Variants in NLGN1 observed in about 807,000 individuals in gnomAD.
NLGN1 encodes neuroligin 1, also known as neuroligin-1.
A neutral mutation model predicts 65.5 loss-of-function variants in NLGN1; 12 were observed. The observed-to-expected ratio is 0.18, with a 90% CI of 0.12 to 0.30. The LOEUF is 0.30. NLGN1 is among the 10% of genes least tolerant of loss of function. NLGN1 has a pLI of 1.00. For missense variants in NLGN1, 750 were observed against 1,007.1 expected, an observed-to-expected ratio of 0.74 and a Z score of 3.46; for synonymous variants, 350 against 359.5, an observed-to-expected ratio of 0.97 and a Z score of 0.30.
chr3:173,745,890 T>C (rs1289580189), intron 3 of NLGN1, among the ~76,000 whole-genome samples: 2 of 152,100 alleles, frequency 1.3e-5, no homozygotes, highest in Non-Finnish European at 2.9e-5. Flanking sequence ...AAACATTCAC[T>C]TCACAGATAG....
chr3:173,646,628 A>G (rs553298465), intron 3 of NLGN1, among the ~76,000 whole-genome samples: 23 of 152,224 alleles, frequency 1.5e-4, no homozygotes, highest in Non-Finnish European at 2.8e-4. Flanking sequence ...TACAATTATT[A>G]CATATCAATA....
chr3:174,141,415 C>A (rs536055673), intron 4 of NLGN1, among the ~76,000 whole-genome samples: 1 of 152,086 alleles, frequency 6.6e-6, no homozygotes, highest in Non-Finnish European at 1.5e-5. Flanking sequence ...AAAAATCGCA[C>A]ATGTCAATGA....
At chr3:173,945,983 G>T (rs1455253246) in intron 4 of NLGN1, among the ~76,000 whole-genome samples, 1 of 152,126 alleles carries the variant, frequency 6.6e-6, no homozygotes, top group African/African-American at 2.4e-5. Flanking sequence ...TATGATTTTT[G>T]CCTGGTGCCA....
intron 2 of NLGN1, among the ~76,000 whole-genome samples, chr3:173,485,773 G>A (rs536354508): frequency 7.2e-5 from 11 of 152,194 alleles, no homozygotes; most frequent in Admixed American, 2.6e-4. Flanking sequence ...ATAGAATCCC[G>A]TAATACTTTT....
Position 173,658,064 on chromosome 3 carries a change from G to A in NLGN1, c.493+52973G>A, listed in dbSNP as rs868609368. ...CATAGGTAATTAAAGAACTAAAAAT[G>A]GTGTAACTTTCGTATGGTAGTTAGA... On this transcript the variant is annotated intron_variant, in intron 3 of 6. Transcript: ENST00000457714. 1.1e-4 allele frequency among the ~76,000 whole-genome samples: 17 copies of A among 151,982 alleles called. 1 individual carries two copies. In the South Asian group the frequency reaches 3.5e-3, roughly 32 times the overall value.
intron 4 of NLGN1, among the ~76,000 whole-genome samples, chr3:173,900,401 G>A (rs896894953): frequency 2.0e-5 from 3 of 152,106 alleles, no homozygotes; most frequent in Non-Finnish European, 2.9e-5. Flanking sequence ...GCAAATTCAG[G>A]TAACTAACCA....
At chr3:174,225,575 C>CA (rs1265309074) in intron 4 of NLGN1, among the ~76,000 whole-genome samples, 2 of 152,138 alleles carry the variant, frequency 1.3e-5, no homozygotes, top group East Asian at 1.9e-4. Context: ...ACTAAAAATA[C>CA]AAAAAATTCT....
At chr3:173,698,741 C>G (rs370966576) in intron 3 of NLGN1, among the ~76,000 whole-genome samples, 2 of 152,054 alleles carry the variant, frequency 1.3e-5, no homozygotes, top group South Asian at 2.1e-4. Context: ...TTTCAAAAAG[C>G]CTTTATTTTG....
At chr3:174,124,606 T>C (rs1453532245) in intron 4 of NLGN1, among the ~76,000 whole-genome samples, 1 of 146,516 alleles carries the variant, frequency 6.8e-6, no homozygotes, top group Non-Finnish European at 1.5e-5. Flanking sequence ...TATACATATA[T>C]ACGTATATAT....
intron 4 of NLGN1, among the ~76,000 whole-genome samples, chr3:174,218,165 G>A (rs1430060996): frequency 6.6e-6 from 1 of 151,944 alleles, no homozygotes; most frequent in Non-Finnish European, 1.5e-5. Flanking sequence ...AAGTATTCAT[G>A]GTAATAGAAT....
intron 2 of NLGN1, among the ~76,000 whole-genome samples, chr3:173,496,715 G>A (rs1398539129): frequency 6.6e-6 from 1 of 151,766 alleles, no homozygotes; most frequent in Non-Finnish European, 1.5e-5. Flanking sequence ...TGAGAATATA[G>A]AAAAATAGAT....
intron 3 of NLGN1, among the ~76,000 whole-genome samples, chr3:173,732,090 C>T (rs1398963553): frequency 2.0e-5 from 3 of 152,070 alleles, no homozygotes; most frequent in Admixed American, 1.3e-4. Flanking sequence ...TATTATCTCT[C>T]ATTTAAATTG....
At chr3:173,455,599 T>C (rs114906442) in intron 2 of NLGN1, among the ~76,000 whole-genome samples, 15 of 152,216 alleles carry the variant, frequency 9.9e-5, no homozygotes, top group African/African-American at 3.6e-4. Flanking sequence ...ATGGTGCTGA[T>C]AGACTTGGTT....
intron 2 of NLGN1, among the ~76,000 whole-genome samples, chr3:173,470,731 ACTCAG>A (rs1725181469): frequency 6.6e-6 from 1 of 152,046 alleles, no homozygotes; most frequent in Non-Finnish European, 1.5e-5. Context: ...TTTTAGCAAG[ACTCAG>A]CTCAGTATAT....
At chr3:173,879,383 A>G (rs1037748857) in intron 4 of NLGN1, among the ~76,000 whole-genome samples, 3 of 152,202 alleles carry the variant, frequency 2.0e-5, no homozygotes, top group Admixed American at 6.5e-5. Flanking sequence ...TCAATCTGCT[A>G]TTAATCTCAT....
At chr3:173,560,609 T>C (rs1446823229) in intron 2 of NLGN1, among the ~76,000 whole-genome samples, 1 of 152,140 alleles carries the variant, frequency 6.6e-6, no homozygotes, top group South Asian at 2.1e-4. Context: ...AGTTTTGGAC[T>C]AGATTCTTGG....
downstream of NLGN1, among the ~76,000 whole-genome samples, chr3:174,290,033 A>G (rs186664721): frequency 2.3e-3 from 341 of 148,536 alleles, 1 homozygote; most frequent in African/African-American, 7.9e-3. Context: ...CCATGTGAGG[A>G]TACTACATGT....
At chr3:173,910,980 G>A (rs761258436) in intron 4 of NLGN1, 5 of 152,094 alleles carry the variant, frequency 3.3e-5, no homozygotes, top group African/African-American at 4.8e-5. Context: ...TTACATTTTC[G>A]TGTACCTTGC....
Position 173,476,988 on chromosome 3 carries a change from G to A in NLGN1, c.-321+41910G>A, listed in dbSNP as rs1166091972. Among the ~76,000 whole-genome samples, 4 of 151,918 alleles carry A rather than the reference G, an allele frequency of 2.6e-5. No homozygotes were observed. The East Asian group carries it at 7.7e-4, about 29-fold the overall frequency. The stretch of plus-strand genomic sequence containing the variant: ...ATTAAGATAAAGAAGGAAGGGAGGA[G>A]GAAGAACAGATTGTAGAAGAGTATG... On this transcript the variant is annotated intron_variant, in intron 2 of 6. Transcript: ENST00000457714.
Sources: gnomAD v4.1 joint callset for allele counts (sites outside exome capture counted in the v4.1 genomes callset) on GRCh38, gnomAD v4.1.1 for gene constraint, MANE v1.5 for transcripts, NCBI Gene and HGNC (gene_info 2026-07-23, HGNC 2026-07-21) for gene names.